Variants in ERBB2 observed in about 807,000 individuals in gnomAD.
The protein encoded by ERBB2 is erb-b2 receptor tyrosine kinase 2.
A neutral mutation model predicts 149.0 loss-of-function variants in ERBB2; 61 were observed. The ratio of observed to expected loss-of-function variants is 0.41; its 90% CI spans 0.33 to 0.51. The LOEUF is 0.51. Ranked by LOEUF, ERBB2 falls within the 20% of genes least tolerant of loss-of-function variation. The probability of loss-of-function intolerance (pLI) is 0.25; values close to 1 mark genes in which losing one functional copy is unlikely to be tolerated. For missense variants in ERBB2, 1,205 were observed against 1,655.1 expected, an observed-to-expected ratio of 0.73 and a Z score of 4.72; for synonymous variants, 633 against 678.8, an observed-to-expected ratio of 0.93 and a Z score of 1.05.
chr17:39,723,981 T>A lies in ERBB2; in HGVS notation c.2278T>A (p.Ser760Thr), dbSNP rs2145827350. 2 of 1,613,712 alleles carry A rather than the reference T, an allele frequency of 1.2e-6. No individual in the cohort carries two copies. The highest frequency in any genetic ancestry group is 1.1e-5 in the South Asian group (1 of 91,054). The change falls in exon 19 of 27, where the codon TCC (serine) becomes ACC (threonine). Residue 760 changes from serine (S) to threonine (T), a missense_variant. Transcript: ENST00000269571. The surrounding 1 kb of genome is among the most constrained non-coding windows in gnomAD (Gnocchi z 6.2). ...VAIKVLRENTSPKANKEILDE... is the reference protein window; with the variant it reads ...VAIKVLRENTTPKANKEILDE... Reference sequence around the variant, plus strand: ...CATCAAAGTGTTGAGGGAAAACACATCCCCCAAAGCCAACAAAGAAATCTT... The same window carrying A: ...CATCAAAGTGTTGAGGGAAAACACAACCCCCAAAGCCAACAAAGAAATCTT...
chr17:39,724,020 T>C lies in ERBB2; in HGVS notation c.2307+10T>C, dbSNP rs766478120. 1.3e-6 allele frequency: 2 copies of C among 1,597,290 alleles called. No homozygotes were observed. Among genetic ancestry groups the C allele is most frequent in the East Asian group, 2.2e-5 (1 of 44,792 alleles). On this transcript the variant is annotated intron_variant, in intron 19 of 26. Coordinates refer to ENST00000269571, the MANE Select transcript of ERBB2 (RefSeq NM_004448.4). The stretch of plus-strand genomic sequence containing the variant: ...CAAAGAAATCTTAGACGTAAGCCCC[T>C]CCACCCTCTCCTGCTAGGAGGACAG...
In ERBB2 at chr17:39,710,321, C is replaced by T. The variant is rs1467859365; in HGVS notation, c.760-19C>T. 6.2e-7 allele frequency: 1 copy of T among 1,614,040 alleles called. No homozygotes were observed. Among genetic ancestry groups the T allele is most frequent in the South Asian group, 1.1e-5 (1 of 91,084 alleles). On this transcript the variant is annotated intron_variant, in intron 6 of 26. Transcript: ENST00000269571. Reference sequence around the variant, plus strand: ...CAGGGCAAAACAGCACAGTGAAAGCCAGCCACCTGTCCCCCCAGGCCTGCC... The same window carrying T: ...CAGGGCAAAACAGCACAGTGAAAGCTAGCCACCTGTCCCCCCAGGCCTGCC...
rs1486607826 is a variant in ERBB2 at position 39,726,668 on chromosome 17, C to A, written c.2970+9C>A. The A allele has an allele frequency of 6.2e-7, 1 of 1,612,878 alleles. No individual in the cohort carries two copies. Among genetic ancestry groups the A allele is most frequent in the South Asian group, 1.1e-5 (1 of 91,068 alleles). On this transcript the variant is annotated intron_variant, in intron 24 of 26. Coordinates refer to ENST00000269571, the MANE Select transcript of ERBB2 (RefSeq NM_004448.4). The surrounding 1 kb of genome is among the most constrained non-coding windows in gnomAD (Gnocchi z 5.1). ...GCTTTGTGGTCATCCAGGTACTGGG[C>A]CTCTGTGCCCCATCCCTGCCTGTGG...
chr17:39,704,070 C>T (rs530153071), intron 1 of ERBB2, among the ~76,000 whole-genome samples: 42 of 152,286 alleles, frequency 2.8e-4, no homozygotes, highest in African/African-American at 9.9e-4. Context: ...GATTCCATGA[C>T]CTCAACTGGT....
Position 39,700,316 on chromosome 17 carries a change from G to A in ERBB2, c.73+5G>A, listed in dbSNP as rs2145270664. 3.6e-6 allele frequency: 5 copies of A among 1,406,360 alleles called. No homozygotes were observed. The highest frequency in any genetic ancestry group is 4.6e-6 in the Non-Finnish European group (5 of 1,081,452). 87.1% of individuals were successfully genotyped at this position (1,406,360 alleles called of 1,614,324 possible). ...CCGGAGCCGCGAGCACCCAAGGTGG[G>A]TCTGGTGTGGGGAGGGGACGGAGCA... On this transcript the variant is annotated splice_donor_5th_base_variant and intron_variant, in intron 1 of 26. Transcript: ENST00000269571.
upstream of ERBB2, among the ~76,000 whole-genome samples, chr17:39,694,250 T>C (rs1374031674): frequency 3.5e-4 from 10 of 28,266 alleles, 1 homozygote; most frequent in East Asian, 1.1e-3. Context: ...TATATATATA[T>C]ATATATATAT....
chr17:39,694,262 T>TATATATATACACAC (rs1597842228), upstream of ERBB2, among the ~76,000 whole-genome samples: 7 of 28,904 alleles, frequency 2.4e-4, no homozygotes, highest in Non-Finnish European at 5.5e-4. Flanking sequence ...TATATATATA[T>TATATATATACACAC]ATATATGTGT....
Position 39,723,286 on chromosome 17 carries a change from C to G in ERBB2, c.1947-33C>G. 3 of 1,609,650 alleles carry G rather than the reference C, an allele frequency of 1.9e-6. No homozygotes were observed. The highest frequency in any genetic ancestry group is 2.5e-6 in the Non-Finnish European group (3 of 1,176,736). The stretch of plus-strand genomic sequence containing the variant: ...CTTTGTCCCTCCCACCCCAAACTAG[C>G]CCTCAATCCCTGACCCTGGCTTCCG... On this transcript the variant is annotated intron_variant, in intron 16 of 26. Coordinates refer to ENST00000269571, the MANE Select transcript of ERBB2 (RefSeq NM_004448.4). This position sits in a 1 kb window ranked among gnomAD's most constrained non-coding sequence, Gnocchi z 6.2.
chr17:39,717,975 G>A (rs1433566323), intron 15 of ERBB2, among the ~76,000 whole-genome samples: 1 of 152,092 alleles, frequency 6.6e-6, no homozygotes, highest in Non-Finnish European at 1.5e-5. Flanking sequence ...TACCTTGCCT[G>A]GCTAATTTTT....
rs1385831939 is a variant in ERBB2, at chr17:39,712,369, A to G, written c.1069A>G (p.Thr357Ala). Reference protein sequence around the residue: ...MEHLREVRAVTSANIQEFAGC... With the variant: ...MEHLREVRAVASANIQEFAGC... ...GCACTTGCGAGAGGTGAGGGCAGTTACCAGTGCCAATATCCAGGAGTTTGC... is the reference window on the plus strand; with the variant it reads ...GCACTTGCGAGAGGTGAGGGCAGTTGCCAGTGCCAATATCCAGGAGTTTGC... The change falls in exon 9 of 27, where the codon ACC (threonine) becomes GCC (alanine). Residue 357 changes from threonine (T) to alanine (A), a missense_variant. By Grantham distance (58) the Thr-to-Ala change is moderately conservative. Transcript: ENST00000269571. The G allele has an allele frequency of 6.2e-7, 1 of 1,613,694 alleles. No homozygotes were observed.
Position 39,716,491 on chromosome 17 carries a change from C to T in ERBB2, c.1647-24C>T, listed in dbSNP as rs780622129. The stretch of plus-strand genomic sequence containing the variant: ...GGTGCATGGGGCTCCTCTCAGACCC[C>T]CTCACCACTGTCCCTTCTCTCAGGC... On this transcript the variant is annotated intron_variant, in intron 13 of 26. Transcript: ENST00000269571. 2.8e-5 allele frequency: 45 copies of T among 1,613,940 alleles called. No homozygotes were observed. The South Asian group carries it at 3.1e-4, about 11-fold the overall frequency.
chr17:39,723,470 G>A lies in ERBB2; in HGVS notation c.2085+13G>A, dbSNP rs2145808321. On this transcript the variant is annotated intron_variant, in intron 17 of 26. Coordinates refer to ENST00000269571, the MANE Select transcript of ERBB2 (RefSeq NM_004448.4). This position sits in a 1 kb window ranked among gnomAD's most constrained non-coding sequence, Gnocchi z 6.2. ...GCAGGAAACGGAGGTGAGGCGGGGT[G>A]AAGTCCTCCCAGCCCGCGTGGGGTC... The A allele has an allele frequency of 6.2e-7, 1 of 1,614,100 alleles. No individual in the cohort carries two copies. The highest frequency in any genetic ancestry group is 8.5e-7 in the Non-Finnish European group (1 of 1,180,010).
In ERBB2 at chr17:39,700,235, C is replaced by CA; in HGVS notation, c.-3dup. ...GCCATGGGGCCGGAGCCGCAGTGAG[C>CA]ACCATGGAGCTGGCGGCCTTGTGCC... is the stretch of plus-strand genomic sequence containing the variant. On this transcript the variant is annotated 5_prime_UTR_variant, in exon 1 of 27. Coordinates refer to ENST00000269571, the MANE Select transcript of ERBB2 (RefSeq NM_004448.4). The CA allele has an allele frequency of 6.9e-7, 1 of 1,441,854 alleles. No homozygotes were observed. Among genetic ancestry groups the CA allele is most frequent in the Non-Finnish European group, 9.1e-7 (1 of 1,101,618 alleles). The allele number at this position is 1,441,854 out of a possible 1,614,324, so 89.3% of individuals were successfully genotyped here. A position where few individuals can be genotyped will look rare whatever the true frequency, so the allele number is the denominator to read the frequency against.
At chr17:39,721,414 C>T (rs1259007391) in intron 16 of ERBB2, among the ~76,000 whole-genome samples, 1 of 152,104 alleles carries the variant, frequency 6.6e-6, no homozygotes, top group African/African-American at 2.4e-5. Flanking sequence ...GCTGGGATTA[C>T]AGGCATGCGC....
chr17:39,711,888 A>G (rs1206910739), intron 7 of ERBB2, 40 bp from the exon 8 acceptor site: 1 of 1,613,086 alleles, frequency 6.2e-7, no homozygotes, highest in South Asian at 1.1e-5. Context: ...TGGTGCACGA[A>G]GGGCCAGGGT....
chr17:39,703,603 GGTCA>G (rs2058239286), intron 1 of ERBB2, among the ~76,000 whole-genome samples: 1 of 152,260 alleles, frequency 6.6e-6, no homozygotes, highest in Admixed American at 6.5e-5. Context: ...GCCAAGTTTA[GGTCA>G]GTAAATATTC....
In ERBB2 at chr17:39,723,617, AGGTGAAGGT is replaced by A; in HGVS notation, c.2167_2175del (p.Val723_Val725del). The A allele has an allele frequency of 6.2e-7, 1 of 1,606,816 alleles. No homozygotes were observed. The highest frequency in any genetic ancestry group is 1.1e-5 in the South Asian group (1 of 89,900). On this transcript the variant is annotated inframe_deletion, in exon 18 of 27. Transcript: ENST00000269571. The surrounding 1 kb of genome is among the most constrained non-coding windows in gnomAD (Gnocchi z 6.2). ...ATCCTGAAAGAGACGGAGCTGAGGA[AGGTGAAGGT>A]GCTTGGATCTGGCGCTTTTGGCACA...
intron 1 of ERBB2, 136 bp downstream of exon 1, chr17:39,700,447 GCT>G (rs1387791786): frequency 1.4e-6 from 1 of 708,244 alleles, no homozygotes; most frequent in Non-Finnish European, 2.0e-6. Flanking sequence ...CAGTCGAGAC[GCT>G]CAGGGCAGCC....
intron 5 of ERBB2, 45 bp downstream of exon 5, chr17:39,709,926 G>T (rs774810738): frequency 6.3e-7 from 1 of 1,591,670 alleles, no homozygotes; most frequent in South Asian, 1.1e-5. Flanking sequence ...GAGGGCTGGG[G>T]CCGGGTGGAA....
Sources: allele counts gnomAD v4.1 joint callset (sites outside exome capture counted in the v4.1 genomes callset), GRCh38; gene constraint gnomAD v4.1.1; non-coding constraint Gnocchi (gnomAD v3.1); transcripts MANE v1.5; gene names NCBI Gene and HGNC (gene_info 2026-07-23, HGNC 2026-07-21).